The following DNAAF9 variants were observed in gnomAD, a reference collection of about 807,000 sequenced individuals.
DNAAF9 encodes shulin.
Under a neutral mutation model 167.0 loss-of-function variants are expected in DNAAF9, and 90 were observed. That is an observed-to-expected ratio of 0.54 (90% confidence interval 0.45 to 0.64). DNAAF9 has a LOEUF of 0.64. Ranked by LOEUF, DNAAF9 falls within the 30% of genes least tolerant of loss-of-function variation. The pLI is 0.00. For missense variants in DNAAF9, 1,315 were observed against 1,442.2 expected, an observed-to-expected ratio of 0.91 and a Z score of 1.43; for synonymous variants, 491 against 508.8, an observed-to-expected ratio of 0.96 and a Z score of 0.47.
chr20:3,258,599 T>A (rs1600655376), intron 33 of DNAAF9, among the ~76,000 whole-genome samples: 1 of 152,184 alleles, frequency 6.6e-6, no homozygotes, highest in South Asian at 2.1e-4. Flanking sequence ...GGATGCAGTG[T>A]CTGGCTTTGA....
chr20:3,380,209 C>A (rs927311428), intron 3 of DNAAF9, among the ~76,000 whole-genome samples: 2 of 152,126 alleles, frequency 1.3e-5, no homozygotes, highest in African/African-American at 2.4e-5. Flanking sequence ...TTTTCTAAAC[C>A]AGCAGATGTT....
At chr20:3,342,156 T>G (rs969778843) in intron 9 of DNAAF9, among the ~76,000 whole-genome samples, 2 of 152,192 alleles carry the variant, frequency 1.3e-5, no homozygotes, top group Non-Finnish European at 2.9e-5. Context: ...CTCAGCTCCA[T>G]AGAAGGCCAC....
At position 3,290,195 on chromosome 20, in the gene DNAAF9, C is replaced by T; in HGVS notation, c.2261G>A (p.Gly754Asp). The change falls in exon 26 of 37, where the codon GGC becomes GAC. Residue 754 changes from glycine (G) to aspartate (D), a missense_variant. Gly to Asp is a moderately conservative substitution (Grantham distance 94). Transcript: ENST00000252032. ...SDKVIISIVT[G>D]LPGCHASELC... ...CTCGCTAGCGTGACAGCCTGGGAGG[C>T]CGGTTACAATGCTGATAATTACCTA... The T allele has an allele frequency of 1.2e-6, 2 of 1,611,550 alleles. No homozygotes were observed. The highest frequency in any genetic ancestry group is 1.7e-6 in the Non-Finnish European group (2 of 1,177,662).
At chr20:3,344,496 A>G (rs1448860930) in intron 8 of DNAAF9, among the ~76,000 whole-genome samples, 1 of 152,160 alleles carries the variant, frequency 6.6e-6, no homozygotes, top group Non-Finnish European at 1.5e-5. Context: ...CATAGATAAT[A>G]TATGATTGCA....
At chr20:3,296,209 C>T (rs2069074373) in intron 23 of DNAAF9, 2 of 533,826 alleles carry the variant, frequency 3.7e-6, no homozygotes, top group African/African-American at 3.8e-5. Flanking sequence ...GTCAAGGCTG[C>T]AGTGAGCCAG....
chr20:3,341,313 C>T lies in DNAAF9; in HGVS notation c.846-674G>A, dbSNP rs902077540. Among the ~76,000 whole-genome samples the T allele has an allele frequency of 2.4e-4, 36 of 150,220 alleles. 1 individual carries two copies. The highest frequency in any genetic ancestry group is 8.9e-4 in the African/African-American group (36 of 40,236). ...ATAGTCTTCAGGTCTTCCTTCCTTCCTTGGTCTCTGAGAAGCACTTGACTC... is the reference window on the plus strand; with the variant it reads ...ATAGTCTTCAGGTCTTCCTTCCTTCTTTGGTCTCTGAGAAGCACTTGACTC... On this transcript the variant is annotated intron_variant, in intron 9 of 36. Transcript: ENST00000252032.
chr20:3,254,240 G>C (rs1170740911), intron 35 of DNAAF9, among the ~76,000 whole-genome samples: 1 of 152,056 alleles, frequency 6.6e-6, no homozygotes, highest in Admixed American at 6.5e-5. Flanking sequence ...CACCACGCCT[G>C]GCTAATTTTT....
intron 1 of DNAAF9, among the ~76,000 whole-genome samples, chr20:3,401,824 C>A (rs1390583804): frequency 1.3e-5 from 2 of 150,136 alleles, no homozygotes; most frequent in Non-Finnish European, 3.0e-5. Context: ...ACCTATGTCA[C>A]CCAAGCTACC....
chr20:3,385,402 C>G (rs1007706649), intron 1 of DNAAF9, among the ~76,000 whole-genome samples: 1 of 152,026 alleles, frequency 6.6e-6, no homozygotes, highest in African/African-American at 2.4e-5. Context: ...GATACAAGAT[C>G]AACATATAAA....
rs371022526 is a variant in DNAAF9, at chr20:3,294,167, T to C, written c.2210A>G (p.Asn737Ser). 6.2e-7 allele frequency: 1 copy of C among 1,606,488 alleles called. No individual in the cohort carries two copies. ...GTCACTTTCTATTCTGTGAGTAGTG[T>C]TGATTTCAGCTTGCTGCAGCAGCAC... is the stretch of plus-strand genomic sequence containing the variant. ...LPVLLQQAEI[N>S]TTHRIESDKV... is the part of the protein sequence containing the mutation. Residue 737 changes from asparagine to serine, a missense_variant, in exon 25 of 37, where the codon AAC becomes AGC. Transcript: ENST00000252032.
At position 3,407,373 on chromosome 20, in the gene DNAAF9, G is replaced by A. The variant is rs1347229765; in HGVS notation, c.83+102C>T. On this transcript the variant is annotated intron_variant, in intron 1 of 36. Transcript: ENST00000252032. Reference sequence around the variant, plus strand: ...GCCGTTCAGCAAAGAACCGTCCCGAGGAAGCCATGTCGGACCACGCCCTGC... The same window carrying A: ...GCCGTTCAGCAAAGAACCGTCCCGAAGAAGCCATGTCGGACCACGCCCTGC... 4 of 988,018 alleles carry A rather than the reference G, an allele frequency of 4.0e-6. No individual in the cohort carries two copies. The African/African-American group carries it at 5.1e-5, about 13-fold the overall frequency. The allele number at this position is 988,018 out of a possible 1,614,324, so 61.2% of individuals were successfully genotyped here.
chr20:3,300,089 A>G (rs2069157137), intron 21 of DNAAF9, among the ~76,000 whole-genome samples: 1 of 151,978 alleles, frequency 6.6e-6, no homozygotes, highest in Non-Finnish European at 1.5e-5. Flanking sequence ...TATTAGTAGA[A>G]ACAGGGTTTC....
At chr20:3,377,669 A>C (rs1321211641) in intron 3 of DNAAF9, among the ~76,000 whole-genome samples, 1 of 151,894 alleles carries the variant, frequency 6.6e-6, no homozygotes, top group African/African-American at 2.4e-5. Flanking sequence ...CATGTTGCCC[A>C]GGCTGGTCTC....
chr20:3,334,511 T>C (rs1390242886), intron 10 of DNAAF9, among the ~76,000 whole-genome samples: 4 of 152,266 alleles, frequency 2.6e-5, no homozygotes, highest in African/African-American at 4.8e-5. Flanking sequence ...TAATTATAAA[T>C]ATCCATATGC....
At chr20:3,282,220 C>G (rs2068775597) in intron 27 of DNAAF9, among the ~76,000 whole-genome samples, 1 of 152,310 alleles carries the variant, frequency 6.6e-6, no homozygotes, top group South Asian at 2.1e-4. Context: ...ATGTCAAATA[C>G]AGCTCACATT....
chr20:3,369,276 T>G (rs538779352), intron 6 of DNAAF9, among the ~76,000 whole-genome samples: 13 of 152,350 alleles, frequency 8.5e-5, no homozygotes, highest in Non-Finnish European at 1.8e-4. Context: ...TGTTTATGTT[T>G]TAAAAAGATT....
intron 12 of DNAAF9, among the ~76,000 whole-genome samples, chr20:3,328,965 G>GT (rs1320770242): frequency 1.3e-5 from 2 of 151,342 alleles, no homozygotes; most frequent in Non-Finnish European, 2.9e-5. Context: ...TGTATCCCAG[G>GT]TTCAAGCACT....
chr20:3,291,044 C>T (rs897176829), intron 25 of DNAAF9, among the ~76,000 whole-genome samples: 1 of 152,060 alleles, frequency 6.6e-6, no homozygotes, highest in Admixed American at 6.5e-5. Context: ...CCGCCTTGGC[C>T]TCCCAAAGTG....
chr20:3,266,479 G>GT (rs1168843091), intron 30 of DNAAF9, among the ~76,000 whole-genome samples: 4 of 151,966 alleles, frequency 2.6e-5, no homozygotes, highest in South Asian at 2.1e-4. Context: ...TTTTGTTTTT[G>GT]TTTTTTTGAG....
Sources: gnomAD v4.1 joint callset for allele counts (sites outside exome capture counted in the v4.1 genomes callset) on GRCh38, gnomAD v4.1.1 for gene constraint, MANE v1.5 for transcripts, NCBI Gene and HGNC (gene_info 2026-07-23, HGNC 2026-07-21) for gene names.